PLB1: variants seen among roughly 807,000 people sequenced by gnomAD.
PLB1 encodes the protein phospholipase B1.
In PLB1, 242 loss-of-function variants were observed where a neutral mutation model predicts 227.4. That is an observed-to-expected ratio of 1.06 (90% CI 0.96 to 1.18). PLB1 has a LOEUF of 1.18. PLB1 is among the 50% of genes most tolerant of loss of function. The probability of loss-of-function intolerance (pLI) is 0.00; values close to 1 mark genes in which losing one functional copy is unlikely to be tolerated. For synonymous variants in PLB1, 757 were observed against 682.2 expected, an observed-to-expected ratio of 1.11 and a Z score of -1.71; for missense variants, 1,858 against 1,816.3, an observed-to-expected ratio of 1.02 and a Z score of -0.42.
At chr2:28,582,228 C>G (rs926665228) in intron 24 of PLB1, 95 bp downstream of exon 24, 2 of 1,430,010 alleles carry the variant, frequency 1.4e-6, no homozygotes, top group Non-Finnish European at 2.0e-6. Context: ...GGCAGGTCAC[C>G]TTTGTTGTGG....
chr2:28,590,066 G>C lies in PLB1; in HGVS notation c.2078G>C (p.Cys693Ser). Residue 693 changes from cysteine to serine, a missense_variant, in exon 29 of 58, where the codon TGT (cysteine) becomes TCT (serine). Cys to Ser is a moderately radical substitution (Grantham distance 112). Coordinates refer to ENST00000327757, the MANE Select transcript of PLB1 (RefSeq NM_153021.5). The stretch of plus-strand genomic sequence containing the variant: ...TTTGAAAACAAGATCAATATCACAT[G>C]TCCGAACCAGGTAGAGTGGAAAGCA... ...HKFENKINIT[C>S]PNQVQPFLRT... 6.2e-7 allele frequency: 1 copy of C among 1,612,190 alleles called. No individual in the cohort carries two copies. Among genetic ancestry groups the C allele is most frequent in the Non-Finnish European group, 8.5e-7 (1 of 1,178,280 alleles).
At chr2:28,560,518 A>G (rs1675889584) in intron 17 of PLB1, among the ~76,000 whole-genome samples, 1 of 152,126 alleles carries the variant, frequency 6.6e-6, no homozygotes, top group Non-Finnish European at 1.5e-5. Flanking sequence ...CAGGCATAAA[A>G]GCTTATAATC....
At chr2:28,581,264 T>C (rs546801952) in intron 23 of PLB1, among the ~76,000 whole-genome samples, 1 of 152,114 alleles carries the variant, frequency 6.6e-6, no homozygotes, top group South Asian at 2.1e-4. Context: ...ATTATTGCCT[T>C]GATTTATGTA....
At chr2:28,524,185 G>A (rs1309830545) in intron 4 of PLB1, among the ~76,000 whole-genome samples, 1 of 152,132 alleles carries the variant, frequency 6.6e-6, no homozygotes, top group Non-Finnish European at 1.5e-5. Flanking sequence ...TAGGTGACGC[G>A]GTGTAGCTGT....
chr2:28,608,511 G>A (rs542710246), intron 43 of PLB1, among the ~76,000 whole-genome samples: 44 of 152,320 alleles, frequency 2.9e-4, no homozygotes, highest in African/African-American at 9.6e-4. Flanking sequence ...CTGCTCATAC[G>A]TTCTGTGTGC....
chr2:28,625,265 C>T (rs1687594944), intron 50 of PLB1, among the ~76,000 whole-genome samples, 157 bp downstream of exon 50: 1 of 152,184 alleles, frequency 6.6e-6, no homozygotes, highest in African/African-American at 2.4e-5. Flanking sequence ...AGGCGCCTGC[C>T]CTGGCCACAC....
At chr2:28,572,429 C>A (rs1234607462) in intron 20 of PLB1, among the ~76,000 whole-genome samples, 1 of 152,114 alleles carries the variant, frequency 6.6e-6, no homozygotes, top group East Asian at 1.9e-4. Flanking sequence ...CAAGGGAAAT[C>A]CACACAAAAA....
chr2:28,566,901 C>A lies in PLB1; in HGVS notation c.1324+62C>A, dbSNP rs538603307. 2.1e-5 allele frequency: 33 copies of A among 1,590,982 alleles called. No homozygotes were observed. In the Admixed American group the frequency reaches 4.8e-4, roughly 23 times the overall value. On this transcript the variant is annotated intron_variant, in intron 20 of 57. Transcript: ENST00000327757. Reference sequence around the variant, plus strand: ...GGCGGCCCCTGCACGCTTCCCGCTCCCCCTGCAGGTGGCGCGGGCCTCGGG... The same window carrying A: ...GGCGGCCCCTGCACGCTTCCCGCTCACCCTGCAGGTGGCGCGGGCCTCGGG...
chr2:28,588,936 C>T (rs567818384), intron 26 of PLB1, among the ~76,000 whole-genome samples: 134 of 152,086 alleles, frequency 8.8e-4, no homozygotes, highest in African/African-American at 3.2e-3. Flanking sequence ...GAGGCCGAGG[C>T]GGGTGGATCA....
intron 17 of PLB1, among the ~76,000 whole-genome samples, chr2:28,555,293 C>T (rs558093419): frequency 9.2e-5 from 14 of 152,176 alleles, no homozygotes; most frequent in African/African-American, 3.4e-4. Flanking sequence ...AGGTGCCTGC[C>T]GCCATGCCCA....
chr2:28,503,263 T>G (rs112259241), intron 1 of PLB1, among the ~76,000 whole-genome samples: 3 of 152,114 alleles, frequency 2.0e-5, no homozygotes, highest in African/African-American at 7.2e-5. Context: ...AGAGTTGCTC[T>G]CTCTCCAGGC....
intron 21 of PLB1, among the ~76,000 whole-genome samples, chr2:28,575,772 C>T (rs1558803679): frequency 2.0e-5 from 3 of 152,112 alleles, no homozygotes; most frequent in Non-Finnish European, 4.4e-5. Context: ...AGGTTGGTCT[C>T]GATCTCCTGA....
rs1206966976 is a variant in PLB1 at position 28,516,922 on chromosome 2, T to A, written c.117+53T>A. ...GTGTGTATGGAGGGGAGAGGGAGGATTTTCCTTGTAGTGGGTAAACCCAAG... is the reference window on the plus strand; with the variant it reads ...GTGTGTATGGAGGGGAGAGGGAGGAATTTCCTTGTAGTGGGTAAACCCAAG... On this transcript the variant is annotated intron_variant, in intron 2 of 57. Coordinates refer to ENST00000327757, the MANE Select transcript of PLB1 (RefSeq NM_153021.5). 3.2e-6 allele frequency: 5 copies of A among 1,571,844 alleles called. No homozygotes were observed. In the Admixed American group the frequency reaches 8.6e-5, roughly 27 times the overall value.
intron 16 of PLB1, among the ~76,000 whole-genome samples, chr2:28,552,090 A>G (rs1674347953): frequency 6.6e-6 from 1 of 152,226 alleles, no homozygotes; most frequent in Non-Finnish European, 1.5e-5. Context: ...TCAACAGGCA[A>G]TTATAGCACA....
intron 56 of PLB1, among the ~76,000 whole-genome samples, chr2:28,638,679 T>C (rs1171230084): frequency 1.3e-5 from 2 of 151,370 alleles, no homozygotes; most frequent in East Asian, 1.9e-4. Context: ...GGGTGGATGA[T>C]TGAGCAGGTA....
rs149261019 is a variant in PLB1, at chr2:28,589,548, G to T, written c.1914G>T (p.Lys638Asn). 1 of 1,614,110 alleles carries T rather than the reference G, an allele frequency of 6.2e-7. No individual in the cohort carries two copies. Among genetic ancestry groups the T allele is most frequent in the Non-Finnish European group, 8.5e-7 (1 of 1,179,976 alleles). Reference protein sequence around the residue: ...QPFFENVDMPKTSEGLPDNSF... With the variant: ...QPFFENVDMPNTSEGLPDNSF... ...TCTTTGAAAACGTGGACATGCCAAA[G>T]ACCTCGGTAAAGAAAGCAAGCATCG... The change falls in exon 27 of 58, where the codon AAG becomes AAT. Residue 638 changes from lysine (K) to asparagine (N), a missense_variant. Transcript: ENST00000327757.
chr2:28,573,814 T>A (rs1678431991), intron 21 of PLB1, among the ~76,000 whole-genome samples: 1 of 152,176 alleles, frequency 6.6e-6, no homozygotes, highest in Non-Finnish European at 1.5e-5. Flanking sequence ...GTTAGGAACC[T>A]CTCCCACAGG....
intron 5 of PLB1, among the ~76,000 whole-genome samples, 153 bp downstream of exon 5, chr2:28,525,460 A>G (rs936733093): frequency 3.9e-5 from 6 of 152,048 alleles, no homozygotes; most frequent in African/African-American, 1.4e-4. Context: ...AGCTCCCAGA[A>G]CCCAGCCTCC....
intron 17 of PLB1, among the ~76,000 whole-genome samples, chr2:28,556,506 T>C (rs1295133470): frequency 1.3e-5 from 2 of 152,202 alleles, no homozygotes; most frequent in African/African-American, 2.4e-5. Flanking sequence ...TGCCAAGTGC[T>C]CTCTCCTATG....
Sources: allele counts gnomAD v4.1 joint callset (sites outside exome capture counted in the v4.1 genomes callset), GRCh38; gene constraint gnomAD v4.1.1; transcripts MANE v1.5; gene names NCBI Gene and HGNC (gene_info 2026-07-23, HGNC 2026-07-21).